Variants in LRRC4C observed in about 807,000 individuals in gnomAD.
The protein encoded by LRRC4C is leucine-rich repeat-containing protein 4C.
Under a neutral mutation model 33.6 loss-of-function variants are expected in LRRC4C, and 5 were observed. The ratio of observed to expected loss-of-function variants is 0.15; its 90% CI spans 0.08 to 0.31. The LOEUF is 0.31. LRRC4C is among the 10% of genes least tolerant of loss of function. The pLI, the probability that LRRC4C is intolerant of heterozygous loss-of-function variation, is 1.00. For synonymous variants in LRRC4C, 329 were observed against 302.0 expected (o/e 1.09, Z -0.93); for missense variants, 560 against 796.7 (o/e 0.70, Z 3.58).
chr11:40,238,185 CT>C (rs1269721625), intron 5 of LRRC4C, among the ~76,000 whole-genome samples: 1 of 152,164 alleles, frequency 6.6e-6, no homozygotes, highest in Non-Finnish European at 1.5e-5. Flanking sequence ...CACTTCTTGT[CT>C]CTTTAAGTCC....
At chr11:40,761,501 G>C (rs7106270) in intron 2 of LRRC4C, among the ~76,000 whole-genome samples, 4 of 151,852 alleles carry the variant, frequency 2.6e-5, no homozygotes, top group East Asian at 1.9e-4. Context: ...GTGTCGAAAT[G>C]AATGTCGAAA....
At chr11:41,284,917 T>C (rs1949777375) in intron 1 of LRRC4C, among the ~76,000 whole-genome samples, 1 of 152,194 alleles carries the variant, frequency 6.6e-6, no homozygotes, top group South Asian at 2.1e-4. Flanking sequence ...CTAGGCAAAG[T>C]GAATTCTGTC....
At chr11:40,786,206 T>C (rs750533009) in intron 2 of LRRC4C, among the ~76,000 whole-genome samples, 3 of 152,188 alleles carry the variant, frequency 2.0e-5, no homozygotes, top group East Asian at 1.9e-4. Context: ...AATTTTTATA[T>C]ACATTTATAC....
At chr11:41,131,867 C>T (rs866791052) in intron 1 of LRRC4C, among the ~76,000 whole-genome samples, 1 of 152,110 alleles carries the variant, frequency 6.6e-6, no homozygotes, top group Non-Finnish European at 1.5e-5. Context: ...TGACATCTTA[C>T]AAATGCCATG....
At chr11:40,620,306 T>C (rs1052341292) in intron 3 of LRRC4C, among the ~76,000 whole-genome samples, 7 of 151,680 alleles carry the variant, frequency 4.6e-5, no homozygotes, top group South Asian at 4.2e-4. Context: ...CAGAATCTGG[T>C]GTATTGAACA....
intron 1 of LRRC4C, among the ~76,000 whole-genome samples, chr11:41,004,428 C>A (rs1394958245): frequency 2.6e-5 from 4 of 152,046 alleles, no homozygotes; most frequent in Admixed American, 2.6e-4. Flanking sequence ...CACCACCATG[C>A]CAGAGATACA....
intron 1 of LRRC4C, among the ~76,000 whole-genome samples, chr11:40,984,893 CTTTTTTTTTTT>C (rs562785410): frequency 1.9e-5 from 1 of 52,270 alleles, no homozygotes; most frequent in African/African-American, 6.3e-5. Context: ...CTCACTGACA[CTTTTTTTTTTT>C]TTTTTTTTTT....
intron 1 of LRRC4C, among the ~76,000 whole-genome samples, chr11:41,002,884 T>G (rs1057265440): frequency 2.6e-5 from 4 of 152,260 alleles, no homozygotes; most frequent in African/African-American, 9.6e-5. Flanking sequence ...AAAATATGCA[T>G]AGAAAAACAA....
intron 5 of LRRC4C, among the ~76,000 whole-genome samples, chr11:40,233,509 C>T (rs976115465): frequency 6.6e-6 from 1 of 152,030 alleles, no homozygotes; most frequent in Non-Finnish European, 1.5e-5. Flanking sequence ...AGATAGAGAT[C>T]CTAGACGCAG....
intron 2 of LRRC4C, among the ~76,000 whole-genome samples, chr11:40,674,475 T>G (rs1238922393): frequency 1.3e-5 from 2 of 152,176 alleles, no homozygotes; most frequent in Non-Finnish European, 2.9e-5. Context: ...TATTGTCCAA[T>G]CAGAATGGAT....
chr11:40,935,249 T>C (rs1276584822), intron 1 of LRRC4C, among the ~76,000 whole-genome samples: 2 of 152,146 alleles, frequency 1.3e-5, no homozygotes, highest in Non-Finnish European at 2.9e-5. Context: ...TCTAAGTAGA[T>C]TGCTAAATAA....
chr11:40,854,745 G>A (rs995980515), intron 2 of LRRC4C, among the ~76,000 whole-genome samples: 2 of 150,464 alleles, frequency 1.3e-5, no homozygotes, highest in African/African-American at 4.9e-5. Context: ...TGTACATAGA[G>A]TACATTAATG....
chr11:40,695,657 A>G (rs537984617), intron 2 of LRRC4C, among the ~76,000 whole-genome samples: 2 of 152,120 alleles, frequency 1.3e-5, no homozygotes, highest in African/African-American at 2.4e-5. Context: ...GGGAGAATCA[A>G]TTTCCTTGCC....
intron 1 of LRRC4C, among the ~76,000 whole-genome samples, chr11:41,008,097 A>G (rs1297961243): frequency 6.6e-6 from 1 of 152,092 alleles, no homozygotes. Flanking sequence ...AACATACCTA[A>G]GAGTAGCCCA....
chr11:40,176,262 G>T (rs980926643), intron 5 of LRRC4C, among the ~76,000 whole-genome samples: 2 of 152,002 alleles, frequency 1.3e-5, no homozygotes, highest in Non-Finnish European at 2.9e-5. Flanking sequence ...AAGATAGAAC[G>T]CGGCATTATG....
At chr11:40,971,132 A>G (rs1851700096) in intron 1 of LRRC4C, among the ~76,000 whole-genome samples, 1 of 152,258 alleles carries the variant, frequency 6.6e-6, no homozygotes, top group Admixed American at 6.5e-5. Context: ...GGCTTCAGAA[A>G]TTCACATAAG....
chr11:41,168,581 C>G (rs1944832607), intron 1 of LRRC4C, among the ~76,000 whole-genome samples: 1 of 151,806 alleles, frequency 6.6e-6, no homozygotes, highest in Non-Finnish European at 1.5e-5. Context: ...AAGGTGAAGA[C>G]AGGATAGGCC....
At chr11:40,535,278 G>T (rs1956424026) in intron 3 of LRRC4C, among the ~76,000 whole-genome samples, 1 of 152,076 alleles carries the variant, frequency 6.6e-6, no homozygotes, top group Admixed American at 6.5e-5. Flanking sequence ...GCTTAATAAA[G>T]GTAGCATTCG....
At chr11:40,469,842 T>G (rs534722711) in intron 3 of LRRC4C, among the ~76,000 whole-genome samples, 1 of 152,250 alleles carries the variant, frequency 6.6e-6, no homozygotes, top group East Asian at 1.9e-4. Flanking sequence ...ATTCCTCCTC[T>G]CTGGGAAGGG....
Sources: allele counts gnomAD v4.1 joint callset (sites outside exome capture counted in the v4.1 genomes callset), GRCh38; gene constraint gnomAD v4.1.1; transcripts MANE v1.5; gene names NCBI Gene and HGNC (gene_info 2026-07-23, HGNC 2026-07-21).